The following BEAN1 variants were observed in gnomAD, a reference collection of about 807,000 sequenced individuals.
The protein encoded by BEAN1 is brain expressed associated with NEDD4 1.
BEAN1 carries 17 observed loss-of-function variants against 17.7 expected under a neutral mutation model. The ratio of observed to expected loss-of-function variants is 0.96; its 90% CI spans 0.66 to 1.44. The LOEUF (loss-of-function observed/expected upper bound fraction) is 1.44. Among genes scored for constraint, BEAN1 ranks in the 40% most tolerant of loss-of-function variants. BEAN1 has a pLI of 0.00. For synonymous variants in BEAN1, 142 were observed against 151.8 expected, an observed-to-expected ratio of 0.94 and a Z score of 0.47; for missense variants, 359 against 374.1, an observed-to-expected ratio of 0.96 and a Z score of 0.33.
rs186166130 is a variant in BEAN1 at position 66,434,319 on chromosome 16, G to A, written c.-82-3276G>A. 4.1e-3 allele frequency among the ~76,000 whole-genome samples: 616 copies of A among 151,986 alleles called. 5 individuals are homozygous for A. Among genetic ancestry groups the A allele is most frequent in the Middle Eastern group, 0.031 (9 of 294 alleles). Reference sequence around the variant, plus strand: ...TCAGCAACTTCAGTCACATGCGTGCGGGACACCAGGATGGGCACTTGCTTA... The same window carrying A: ...TCAGCAACTTCAGTCACATGCGTGCAGGACACCAGGATGGGCACTTGCTTA... On this transcript the variant is annotated intron_variant, in intron 1 of 4. Coordinates refer to ENST00000536005, the MANE Select transcript of BEAN1 (RefSeq NM_001178020.3). The surrounding 1 kb of genome is among the most constrained non-coding windows in gnomAD (Gnocchi z 4.3).
intron 2 of BEAN1, chr16:66,438,154 C>T: frequency 5.1e-6 from 1 of 195,346 alleles, no homozygotes; most frequent in South Asian, 9.8e-5. Context: ...GAAGCCGAGA[C>T]AGATGGAATA....
At chr16:66,493,616 G>A (rs574561739), downstream of BEAN1, 31 of 533,104 alleles carry the variant, frequency 5.8e-5, no homozygotes, top group Middle Eastern at 4.8e-4. Context: ...GGGTGAGGTG[G>A]TCACCGCCTC....
chr16:66,446,155 C>CCA (rs1277547103), intron 2 of BEAN1, among the ~76,000 whole-genome samples: 1 of 151,822 alleles, frequency 6.6e-6, no homozygotes, highest in East Asian at 1.9e-4. Context: ...TGATCTCCAG[C>CCA]CTGGGTGATA....
intron 2 of BEAN1, among the ~76,000 whole-genome samples, chr16:66,462,719 T>C (rs556082060): frequency 3.9e-5 from 6 of 152,148 alleles, no homozygotes; most frequent in South Asian, 2.1e-4. Flanking sequence ...GAGAATTGCT[T>C]GAACCCAGGA....
chr16:66,490,015 G>A (rs543918538), intron 4 of BEAN1, among the ~76,000 whole-genome samples: 1 of 152,022 alleles, frequency 6.6e-6, no homozygotes, highest in Admixed American at 6.6e-5. Context: ...AAGCACCCAG[G>A]TGGCTGTCCT....
chr16:66,493,264 G>A (rs1964201922), exon 5 of BEAN1: 2 of 702,940 alleles, frequency 2.8e-6, no homozygotes, highest in Non-Finnish European at 5.2e-6. Context: ...GCTGCCTCGA[G>A]GGGGTTCAGC....
chr16:66,495,265 C>A (rs867303132), downstream of BEAN1, among the ~76,000 whole-genome samples: 1 of 152,106 alleles, frequency 6.6e-6, no homozygotes, highest in Non-Finnish European at 1.5e-5. Context: ...CTGGTTATCA[C>A]CCACTCATCC....
chr16:66,442,679 C>A (rs887376513), intron 2 of BEAN1, among the ~76,000 whole-genome samples: 6 of 152,208 alleles, frequency 3.9e-5, no homozygotes, highest in African/African-American at 7.2e-5. Context: ...TTTCTAAAAA[C>A]CTCAATTTGC....
intron 3 of BEAN1, 50 bp downstream of exon 3, chr16:66,469,915 G>A: frequency 1.3e-6 from 2 of 1,516,958 alleles, no homozygotes; most frequent in Non-Finnish European, 1.8e-6. Context: ...GACTGGGATT[G>A]CAACACAGGA....
At chr16:66,463,157 T>C (rs1222731433) in intron 2 of BEAN1, among the ~76,000 whole-genome samples, 1 of 152,228 alleles carries the variant, frequency 6.6e-6, no homozygotes, top group Non-Finnish European at 1.5e-5. Flanking sequence ...CTTGGGTATA[T>C]GCCTAGGAGT....
In BEAN1 at chr16:66,461,569, G is replaced by GACACACACACAC. The variant is rs34246549; in HGVS notation, c.26-7999_26-7988dup. ...GTGCTGTGCAGGGCAGGCAGGCGCA[G>GACACACACACAC]ACACACACACACACACACACACACA... is the stretch of plus-strand genomic sequence containing the variant. On this transcript the variant is annotated intron_variant, in intron 2 of 4. Coordinates refer to ENST00000536005, the MANE Select transcript of BEAN1 (RefSeq NM_001178020.3). 6.9e-3 allele frequency among the ~76,000 whole-genome samples: 970 copies of GACACACACACAC among 140,904 alleles called. 13 individuals are homozygous for GACACACACACAC. The highest frequency in any genetic ancestry group is 0.013 in the East Asian group (60 of 4,684). 92.4% of individuals were successfully genotyped at this position (140,904 alleles called of 152,430 possible). A position where few individuals can be genotyped will look rare whatever the true frequency, so the allele number is the denominator to read the frequency against.
intron 4 of BEAN1, among the ~76,000 whole-genome samples, chr16:66,479,689 A>G (rs1433191210): frequency 6.6e-6 from 1 of 152,150 alleles, no homozygotes; most frequent in Non-Finnish European, 1.5e-5. Flanking sequence ...CTTAGGGATC[A>G]AGACGGGTTC....
In BEAN1 at chr16:66,438,987, T is replaced by C. The variant is rs377659756; in HGVS notation, c.25+1286T>C. On this transcript the variant is annotated intron_variant, in intron 2 of 4. Transcript: ENST00000536005. Reference sequence around the variant, plus strand: ...GCCTCCCCAACTCGCCATTGTCTGTTCCAATCTGTGCCATTGTTTACGTGG... The same window carrying C: ...GCCTCCCCAACTCGCCATTGTCTGTCCCAATCTGTGCCATTGTTTACGTGG... Among the ~76,000 whole-genome samples, 7 of 152,262 alleles carry C rather than the reference T, an allele frequency of 4.6e-5. No individual in the cohort carries two copies. In the East Asian group the frequency reaches 1.4e-3, roughly 29 times the overall value.
chr16:66,485,171 C>G (rs1013939326), downstream of BEAN1: 3 of 449,318 alleles, frequency 6.7e-6, no homozygotes, highest in African/African-American at 6.0e-5. Context: ...CTGGCCAAGC[C>G]CACATGCACA....
chr16:66,450,223 C>T (rs1051412415), intron 2 of BEAN1, among the ~76,000 whole-genome samples: 16 of 152,158 alleles, frequency 1.1e-4, no homozygotes, highest in African/African-American at 3.1e-4. Context: ...TGTCTTATTA[C>T]GAGAGCCGTG....
exon 5 of BEAN1, chr16:66,493,104 A>G: frequency 2.8e-6 from 2 of 702,990 alleles, no homozygotes; most frequent in East Asian, 2.7e-5. Flanking sequence ...GAGAATGTCA[A>G]GCAGATGGTG....
chr16:66,429,393 C>T (rs1428194005), intron 1 of BEAN1, among the ~76,000 whole-genome samples: 1 of 152,094 alleles, frequency 6.6e-6, no homozygotes, highest in Non-Finnish European at 1.5e-5. Context: ...ACCTTAGACC[C>T]AGAGCAGAGC....
rs541209124 is a variant in BEAN1 at position 66,440,274 on chromosome 16, C to T, written c.25+2573C>T. ...CCTCCCAAGTAGCTGGGACTACAGG[C>T]GCCCACCACCACACCTGGCTAAGTT... On this transcript the variant is annotated intron_variant, in intron 2 of 4. Coordinates refer to ENST00000536005, the MANE Select transcript of BEAN1 (RefSeq NM_001178020.3). Among the ~76,000 whole-genome samples, 3 of 152,070 alleles carry T rather than the reference C, an allele frequency of 2.0e-5. No individual in the cohort carries two copies. The East Asian group carries it at 5.8e-4, about 30-fold the overall frequency.
chr16:66,459,260 A>G lies in BEAN1; in HGVS notation c.26-10342A>G, dbSNP rs549044131. 2.0e-5 allele frequency among the ~76,000 whole-genome samples: 3 copies of G among 152,262 alleles called. No homozygotes were observed. In the South Asian group the frequency reaches 6.2e-4, roughly 32 times the overall value. On this transcript the variant is annotated intron_variant, in intron 2 of 4. Coordinates refer to ENST00000536005, the MANE Select transcript of BEAN1 (RefSeq NM_001178020.3). ...TCCATCTGCAACCCGAGGCTCTCCT[A>G]AAACACTCTGACCACGCCCCTCTTT...
Sources: allele counts gnomAD v4.1 joint callset (sites outside exome capture counted in the v4.1 genomes callset), GRCh38; gene constraint gnomAD v4.1.1; non-coding constraint Gnocchi (gnomAD v3.1); transcripts MANE v1.5; gene names NCBI Gene and HGNC (gene_info 2026-07-23, HGNC 2026-07-21).